TAOK1: variants seen among roughly 807,000 people sequenced by gnomAD.
TAOK1 encodes serine/threonine-protein kinase TAO1.
A neutral mutation model predicts 138.3 loss-of-function variants in TAOK1; 21 were observed. That is an observed-to-expected ratio of 0.15 (90% CI 0.11 to 0.22). The LOEUF (loss-of-function observed/expected upper bound fraction) is 0.22. Ranked by LOEUF, TAOK1 falls within the 10% of genes least tolerant of loss-of-function variation. The pLI is 1.00. For synonymous variants in TAOK1, 361 were observed against 398.4 expected (o/e 0.91, Z 1.12); for missense variants, 651 against 1,227.7 (o/e 0.53, Z 7.02).
At chr17:29,391,460 C>T (rs1176714583) in intron 1 of TAOK1, among the ~76,000 whole-genome samples, 2 of 152,156 alleles carry the variant, frequency 1.3e-5, no homozygotes, top group Non-Finnish European at 1.5e-5. Context: ...AATCTATACC[C>T]CTCTTCTGTA....
At chr17:29,518,907 C>T (rs551925951) in intron 16 of TAOK1, among the ~76,000 whole-genome samples, 4 of 152,184 alleles carry the variant, frequency 2.6e-5, no homozygotes, top group East Asian at 1.9e-4. Context: ...ACTGGGACTA[C>T]AGGCGTGCAT....
At position 29,409,369 on chromosome 17, in the gene TAOK1, C is replaced by T. The variant is rs1164105280; in HGVS notation, c.-95+18345C>T. Among the ~76,000 whole-genome samples, 14 of 123,452 alleles carry T rather than the reference C, an allele frequency of 1.1e-4. 1 individual carries two copies. The South Asian group carries it at 3.0e-3, about 27-fold the overall frequency. The allele number at this position is 123,452 out of a possible 152,430, so 81.0% of individuals were successfully genotyped here. A position where few individuals can be genotyped will look rare whatever the true frequency, so the allele number is the denominator to read the frequency against. ...TTTTTTTTTGAGATGGAGTCTCACT[C>T]TGTTGCCCAGGCTGGAGTGCAGTGG... On this transcript the variant is annotated intron_variant, in intron 1 of 19. Coordinates refer to ENST00000261716, the MANE Select transcript of TAOK1 (RefSeq NM_020791.4).
chr17:29,451,400 A>T, intron 1 of TAOK1, 55 bp from the exon 2 acceptor site: 1 of 842,182 alleles, frequency 1.2e-6, no homozygotes, highest in Non-Finnish European at 1.8e-6. Context: ...ACCTTATACT[A>T]ATTATTCTTA....
intron 9 of TAOK1, among the ~76,000 whole-genome samples, chr17:29,491,385 TAGA>T (rs2031292760): frequency 6.6e-6 from 1 of 151,710 alleles, no homozygotes; most frequent in African/African-American, 2.4e-5. Context: ...ACATGCTATA[TAGA>T]AGAAGATCCA....
chr17:29,447,435 A>G (rs2030113366), intron 1 of TAOK1, among the ~76,000 whole-genome samples: 1 of 152,018 alleles, frequency 6.6e-6, no homozygotes, highest in Admixed American at 6.6e-5. Flanking sequence ...GATTCAAGCA[A>G]TTCTCCCACC....
rs192824742 is a variant in TAOK1 at position 29,427,968 on chromosome 17, A to G, written c.-94-23487A>G. 2.6e-5 allele frequency among the ~76,000 whole-genome samples: 4 copies of G among 151,942 alleles called. No individual in the cohort carries two copies. In the East Asian group the frequency reaches 7.7e-4, roughly 29 times the overall value. ...AGAAGAATAATTTTATTATAAGACT[A>G]TTAAGTTGCTCGCAGACTGAAAAGG... On this transcript the variant is annotated intron_variant, in intron 1 of 19. Coordinates refer to ENST00000261716, the MANE Select transcript of TAOK1 (RefSeq NM_020791.4).
At chr17:29,498,905 G>T (rs1250761476) in intron 12 of TAOK1, among the ~76,000 whole-genome samples, 1 of 151,196 alleles carries the variant, frequency 6.6e-6, no homozygotes. Flanking sequence ...CAGCCTGGGC[G>T]ACAGAGTGAG....
At chr17:29,455,218 C>T (rs1471778846) in intron 2 of TAOK1, among the ~76,000 whole-genome samples, 2 of 145,172 alleles carry the variant, frequency 1.4e-5, no homozygotes, top group Admixed American at 6.6e-5. Context: ...GTCATTCCTA[C>T]GTATTTTATT....
chr17:29,530,351 A>G, intron 17 of TAOK1, 56 bp from the exon 18 acceptor site: 1 of 1,471,920 alleles, frequency 6.8e-7, no homozygotes, highest in Non-Finnish European at 9.4e-7. Flanking sequence ...TAAGCATACC[A>G]TATACCAAAT....
intron 9 of TAOK1, 115 bp downstream of exon 9, chr17:29,489,872 A>G: frequency 1.8e-6 from 1 of 567,940 alleles, no homozygotes. Context: ...CTTATAAGAT[A>G]TTAAAATAGA....
chr17:29,429,799 A>G (rs1179968559), intron 1 of TAOK1, among the ~76,000 whole-genome samples: 1 of 152,126 alleles, frequency 6.6e-6, no homozygotes, highest in African/African-American at 2.4e-5. Flanking sequence ...CACACCACCC[A>G]ACCCTTCAGG....
At chr17:29,438,630 A>G (rs548832853) in intron 1 of TAOK1, among the ~76,000 whole-genome samples, 14 of 152,344 alleles carry the variant, frequency 9.2e-5, no homozygotes, top group Admixed American at 8.5e-4. Flanking sequence ...TCGAGGCTGC[A>G]GTGAGATCGT....
At chr17:29,494,145 G>A (rs567159301) in intron 10 of TAOK1, among the ~76,000 whole-genome samples, 111 of 152,092 alleles carry the variant, frequency 7.3e-4, no homozygotes, top group Non-Finnish European at 1.5e-3. Flanking sequence ...GGCCTCAAGT[G>A]ATCTGCCTGC....
chr17:29,397,626 ATATACATG>A (rs1555555322), intron 1 of TAOK1, among the ~76,000 whole-genome samples: 4 of 107,460 alleles, frequency 3.7e-5, no homozygotes, highest in Non-Finnish European at 5.3e-5. Context: ...ATATATATAT[ATATACATG>A]TATACATGTA....
Position 29,517,644 on chromosome 17 carries a change from C to T in TAOK1, c.1896C>T (p.Asp632=), listed in dbSNP as rs1314290326. ...MLLGRHNLEQ[D]LVREELNKRQ... Reference sequence around the variant, plus strand: ...TTGGGCGTCATAACTTAGAGCAGGACCTTGTCAGGGAGGTAAGTTTGAGTG... The same window carrying T: ...TTGGGCGTCATAACTTAGAGCAGGATCTTGTCAGGGAGGTAAGTTTGAGTG... The change falls in exon 16 of 20, where the codon GAC becomes GAT. Residue 632 remains aspartate (D), a synonymous_variant. Coordinates refer to ENST00000261716, the MANE Select transcript of TAOK1 (RefSeq NM_020791.4). The T allele has an allele frequency of 6.2e-7, 1 of 1,606,466 alleles. No individual in the cohort carries two copies. The highest frequency in any genetic ancestry group is 2.2e-5 in the East Asian group (1 of 44,748).
At chr17:29,440,248 C>G (rs923996142) in intron 1 of TAOK1, among the ~76,000 whole-genome samples, 1 of 151,942 alleles carries the variant, frequency 6.6e-6, no homozygotes, top group African/African-American at 2.4e-5. Context: ...AGGAAAATGA[C>G]AAAAATAAGT....
chr17:29,412,666 TG>T (rs1320611073), intron 1 of TAOK1, among the ~76,000 whole-genome samples: 2 of 152,230 alleles, frequency 1.3e-5, no homozygotes, highest in African/African-American at 4.8e-5. Context: ...TACTAATTGT[TG>T]AATAGAATCT....
chr17:29,489,582 A>T (rs1598503748), intron 8 of TAOK1, 82 bp from the exon 9 acceptor site: 54 of 315,928 alleles, frequency 1.7e-4, no homozygotes, highest in Middle Eastern at 8.2e-4. Flanking sequence ...AAAATCATTT[A>T]AAAAAAAAAA....
At chr17:29,394,412 G>A (rs1904528928) in intron 1 of TAOK1, among the ~76,000 whole-genome samples, 1 of 151,888 alleles carries the variant, frequency 6.6e-6, no homozygotes, top group Non-Finnish European at 1.5e-5. Flanking sequence ...TGATCTGCCC[G>A]CCTCAGCCTC....
Sources: allele counts gnomAD v4.1 joint callset (sites outside exome capture counted in the v4.1 genomes callset), GRCh38; gene constraint gnomAD v4.1.1; transcripts MANE v1.5; gene names NCBI Gene and HGNC (gene_info 2026-07-23, HGNC 2026-07-21).